Variants in CNTNAP2 observed in about 807,000 individuals in gnomAD.
CNTNAP2 encodes the protein contactin-associated protein-like 2.
Under a neutral mutation model 155.2 loss-of-function variants are expected in CNTNAP2, and 98 were observed. The ratio of observed to expected loss-of-function variants is 0.63; its 90% CI spans 0.54 to 0.75. CNTNAP2 has a LOEUF of 0.75. Among genes scored for constraint, CNTNAP2 ranks in the 30% least tolerant of loss-of-function variants. The pLI is 0.00. For synonymous variants in CNTNAP2, 651 were observed against 631.2 expected (o/e 1.03, Z -0.47); for missense variants, 1,727 against 1,688.1 (o/e 1.02, Z -0.40).
intron 1 of CNTNAP2, among the ~76,000 whole-genome samples, chr7:146,773,923 C>T (rs948346098): frequency 6.6e-6 from 1 of 152,088 alleles, no homozygotes; most frequent in African/African-American, 2.4e-5. Context: ...TTCCCTGTTC[C>T]TATAATGTAT....
At chr7:148,076,739 G>A (rs1054909750) in intron 15 of CNTNAP2, among the ~76,000 whole-genome samples, 5 of 151,896 alleles carry the variant, frequency 3.3e-5, no homozygotes, top group Non-Finnish European at 7.4e-5. Context: ...CACCGTGCCC[G>A]GCCGATAGCT....
chr7:147,323,498 ATG>A (rs1363585172), intron 9 of CNTNAP2, among the ~76,000 whole-genome samples: 4 of 144,386 alleles, frequency 2.8e-5, no homozygotes, highest in Non-Finnish European at 6.0e-5. Context: ...ACTTCCGACT[ATG>A]TGGTCAATTT....
At chr7:147,523,581 T>C (rs1426971680) in intron 11 of CNTNAP2, among the ~76,000 whole-genome samples, 1 of 152,168 alleles carries the variant, frequency 6.6e-6, no homozygotes, top group Non-Finnish European at 1.5e-5. Flanking sequence ...AGCTGAAGAA[T>C]TTCCTCTTCC....
At chr7:146,680,745 C>T (rs67893059) in intron 1 of CNTNAP2, among the ~76,000 whole-genome samples, 16,513 of 152,102 alleles carry the variant, frequency 0.11, 1,469 homozygotes, top group African/African-American at 0.24. Context: ...ATGATAATAA[C>T]GAAGCATGTG....
At chr7:147,700,309 G>A (rs1796217178) in intron 13 of CNTNAP2, among the ~76,000 whole-genome samples, 1 of 152,178 alleles carries the variant, frequency 6.6e-6, no homozygotes, top group Non-Finnish European at 1.5e-5. Context: ...AACATTTAGT[G>A]AAATACAGCT....
chr7:146,369,472 A>G (rs1795202882), intron 1 of CNTNAP2, among the ~76,000 whole-genome samples: 1 of 152,156 alleles, frequency 6.6e-6, no homozygotes, highest in Non-Finnish European at 1.5e-5. Flanking sequence ...GGCATTCTTT[A>G]TTTTGATAGA....
At chr7:147,556,779 A>G (rs1025477035) in intron 11 of CNTNAP2, among the ~76,000 whole-genome samples, 1 of 152,198 alleles carries the variant, frequency 6.6e-6, no homozygotes, top group East Asian at 1.9e-4. Flanking sequence ...CTGTATCATT[A>G]TTATTAACAG....
chr7:147,408,630 C>T (rs558032674), intron 10 of CNTNAP2, among the ~76,000 whole-genome samples: 5 of 152,178 alleles, frequency 3.3e-5, no homozygotes, highest in African/African-American at 7.2e-5. Context: ...TGGTGGCGGG[C>T]GCCTGTAGTC....
intron 1 of CNTNAP2, among the ~76,000 whole-genome samples, chr7:146,158,261 A>G (rs1798159490): frequency 6.6e-6 from 1 of 152,218 alleles, no homozygotes; most frequent in South Asian, 2.1e-4. Flanking sequence ...GACCAAAGGT[A>G]GATAAAACCA....
chr7:146,299,255 G>A (rs904761311), intron 1 of CNTNAP2, among the ~76,000 whole-genome samples: 3 of 151,882 alleles, frequency 2.0e-5, no homozygotes, highest in African/African-American at 4.8e-5. Flanking sequence ...TGGGCAACAC[G>A]AGCAAAACTC....
At chr7:147,128,904 T>C in intron 7 of CNTNAP2, 68 bp downstream of exon 7, 1 of 1,583,156 alleles carries the variant, frequency 6.3e-7, no homozygotes, top group Non-Finnish European at 8.7e-7. Flanking sequence ...TTTTGGATTA[T>C]TGAACAACAA....
intron 13 of CNTNAP2, among the ~76,000 whole-genome samples, chr7:147,726,279 A>C (rs1796641073): frequency 6.6e-6 from 1 of 152,058 alleles, no homozygotes; most frequent in Admixed American, 6.6e-5. Context: ...ACACACAAAG[A>C]GGACACAAGA....
At chr7:148,101,422 A>T (rs1804097818) in intron 15 of CNTNAP2, among the ~76,000 whole-genome samples, 1 of 151,756 alleles carries the variant, frequency 6.6e-6, no homozygotes. Context: ...AAGGTAAAAG[A>T]TTAAGGAGAA....
At chr7:147,316,555 T>C (rs1311699576) in intron 9 of CNTNAP2, among the ~76,000 whole-genome samples, 2 of 152,200 alleles carry the variant, frequency 1.3e-5, no homozygotes, top group Non-Finnish European at 2.9e-5. Flanking sequence ...GTGGAGATGA[T>C]ACAATAAGGT....
chr7:146,436,190 C>T (rs1287700063), intron 1 of CNTNAP2, among the ~76,000 whole-genome samples: 2 of 152,174 alleles, frequency 1.3e-5, no homozygotes, highest in South Asian at 2.1e-4. Context: ...GGGCTAAGTC[C>T]GCATAATACT....
intron 8 of CNTNAP2, among the ~76,000 whole-genome samples, chr7:147,253,272 G>C (rs934506951): frequency 6.6e-6 from 1 of 151,608 alleles, no homozygotes; most frequent in African/African-American, 2.4e-5. Context: ...ATCTAATATA[G>C]AAAATGACCC....
At chr7:146,269,603 A>G (rs750850994) in intron 1 of CNTNAP2, among the ~76,000 whole-genome samples, 6 of 152,244 alleles carry the variant, frequency 3.9e-5, no homozygotes, top group East Asian at 1.9e-4. Context: ...AAAATGTAGT[A>G]CAATGATACT....
intron 21 of CNTNAP2, among the ~76,000 whole-genome samples, chr7:148,350,221 AAG>A (rs1270910851): frequency 7.4e-6 from 1 of 135,194 alleles, no homozygotes; most frequent in Admixed American, 8.2e-5. Context: ...GGGAATGTGG[AAG>A]AGAGAGGCTC....
At chr7:146,712,205 ATACATATCTTATGTATACAAATATG>A (rs1801098252) in intron 1 of CNTNAP2, among the ~76,000 whole-genome samples, 1 of 123,516 alleles carries the variant, frequency 8.1e-6, no homozygotes, top group Non-Finnish European at 1.7e-5. Context: ...ACAAATATGT[ATACATATCTTATGTATACAAATATG>A]TATACATATC....
Sources: gnomAD v4.1 joint callset for allele counts (sites outside exome capture counted in the v4.1 genomes callset) on GRCh38, gnomAD v4.1.1 for gene constraint, MANE v1.5 for transcripts, NCBI Gene and HGNC (gene_info 2026-07-23, HGNC 2026-07-21) for gene names.